AFDN: variants seen among roughly 807,000 people sequenced by gnomAD.
AFDN encodes afadin.
In AFDN, 68 loss-of-function variants were observed where a neutral mutation model predicts 216.6. The observed-to-expected ratio is 0.31, with a 90% confidence interval of 0.26 to 0.38. The LOEUF (loss-of-function observed/expected upper bound fraction) is 0.38, where lower values mean the gene tolerates loss of function less well. Ranked by LOEUF, AFDN falls within the 10% of genes least tolerant of loss-of-function variation. The probability of loss-of-function intolerance (pLI) is 1.00; values close to 1 mark genes in which losing one functional copy is unlikely to be tolerated. For missense variants in AFDN, 2,136 were observed against 2,342.0 expected, an observed-to-expected ratio of 0.91 and a Z score of 1.82; for synonymous variants, 868 against 853.7, an observed-to-expected ratio of 1.02 and a Z score of -0.29.
chr6:167,924,624 T>C (rs1792269782), intron 22 of AFDN, among the ~76,000 whole-genome samples: 1 of 152,232 alleles, frequency 6.6e-6, no homozygotes, highest in Non-Finnish European at 1.5e-5. Context: ...ACATTTCTTC[T>C]TTGAAAACAC....
chr6:167,871,294 G>T (rs541806819), intron 3 of AFDN, among the ~76,000 whole-genome samples: 1 of 152,254 alleles, frequency 6.6e-6, no homozygotes, highest in African/African-American at 2.4e-5. Context: ...TACAAAAAAA[G>T]TTAAGAATGC....
Position 167,962,884 on chromosome 6 carries a change from C to T in AFDN, c.4968+317C>T. 1 of 1,175,886 alleles carries T rather than the reference C, an allele frequency of 8.5e-7. No homozygotes were observed. Among genetic ancestry groups the T allele is most frequent in the Non-Finnish European group, 1.1e-6 (1 of 944,984 alleles). The allele number at this position is 1,175,886 out of a possible 1,614,324, so 72.8% of individuals were successfully genotyped here. On this transcript the variant is annotated intron_variant, in intron 31 of 33. Transcript: ENST00000683244. The surrounding 1 kb of genome is among the most constrained non-coding windows in gnomAD (Gnocchi z 5.2). ...GGCACTCATCTTTACTGAACATGGC[C>T]CAGCTTGTCATTGTGAAGGTGACAT...
chr6:167,882,485 C>A (rs1416474471), intron 6 of AFDN, among the ~76,000 whole-genome samples: 18 of 142,498 alleles, frequency 1.3e-4, no homozygotes, highest in Admixed American at 2.1e-4. Flanking sequence ...ACTAAAACTA[C>A]AAAAAAAAAA....
At chr6:167,953,852 A>G (rs1283149698) in intron 30 of AFDN, among the ~76,000 whole-genome samples, 1 of 152,166 alleles carries the variant, frequency 6.6e-6, no homozygotes, top group Non-Finnish European at 1.5e-5. Flanking sequence ...CCACACCCCA[A>G]AAGATGAAAA....
chr6:167,829,580 C>T (rs1408068663), intron 1 of AFDN, among the ~76,000 whole-genome samples: 1 of 151,972 alleles, frequency 6.6e-6, no homozygotes, highest in African/African-American at 2.4e-5. Flanking sequence ...AAATTCACTG[C>T]AGGAGTTGAT....
chr6:167,885,330 C>T (rs933611392), intron 6 of AFDN, among the ~76,000 whole-genome samples: 1 of 152,192 alleles, frequency 6.6e-6, no homozygotes, highest in Admixed American at 6.5e-5. Context: ...AGAAGCCTAG[C>T]TTTCTGCCTG....
At chr6:167,875,201 G>T (rs1430612943) in intron 4 of AFDN, 134 bp from the exon 5 acceptor site, 7 of 705,076 alleles carry the variant, frequency 9.9e-6, no homozygotes, top group Non-Finnish European at 1.7e-5. Flanking sequence ...GTGGTAAATA[G>T]TACGTAACAG....
intron 30 of AFDN, 129 bp downstream of exon 30, chr6:167,952,316 T>C: frequency 1.3e-6 from 2 of 1,535,574 alleles, no homozygotes; most frequent in Non-Finnish European, 1.7e-6. Context: ...TATACTGTTT[T>C]ATTGTATGTG....
At chr6:167,927,275 G>C (rs1021441638) in intron 23 of AFDN, among the ~76,000 whole-genome samples, 1 of 152,088 alleles carries the variant, frequency 6.6e-6, no homozygotes, top group Non-Finnish European at 1.5e-5. Flanking sequence ...AGGAATAAGG[G>C]AGATATATTG....
chr6:167,826,688 G>C (rs1779080948), upstream of AFDN: 1 of 447,404 alleles, frequency 2.2e-6, no homozygotes, highest in Non-Finnish European at 4.5e-6. Context: ...ACCCGGTACC[G>C]CCGGTTGGGA....
intron 4 of AFDN, among the ~76,000 whole-genome samples, chr6:167,875,044 A>C (rs1562591041): frequency 6.6e-6 from 1 of 152,214 alleles, no homozygotes; most frequent in Non-Finnish European, 1.5e-5. Flanking sequence ...AAGTTACTGA[A>C]ATGTATAATC....
rs368769724 is a variant in AFDN at position 167,962,526 on chromosome 6, C to T, written c.4927C>T (p.Arg1643Trp). 16 of 1,613,596 alleles carry T rather than the reference C, an allele frequency of 9.9e-6. No homozygotes were observed. Among genetic ancestry groups the T allele is most frequent in the African/African-American group, 2.7e-5 (2 of 74,830 alleles). The change falls in exon 31 of 34, where the codon CGG becomes TGG. Residue 1643 changes from arginine (R) to tryptophan (W), a missense_variant. Arg to Trp is a moderately radical substitution (Grantham distance 101, BLOSUM62 -3). This residue lies in a region of AFDN where 981 missense variants were observed against 966.0 expected (regional missense o/e 1.02). Coordinates refer to ENST00000683244, the MANE Select transcript of AFDN (RefSeq NM_001386888.1). The surrounding 1 kb of genome is among the most constrained non-coding windows in gnomAD (Gnocchi z 5.2). ...DRARQEEERRRQEEERTKRDA... is the reference protein window; with the variant it reads ...DRARQEEERRWQEEERTKRDA... The stretch of plus-strand genomic sequence containing the variant: ...AGCGAGGCAAGAGGAAGAGCGCCGG[C>T]GGCAGGAGGAGGAGCGAACAAAACG...
At chr6:167,914,559 G>C in intron 17 of AFDN, 85 bp from the exon 18 acceptor site, 3 of 1,043,230 alleles carry the variant, frequency 2.9e-6, no homozygotes, top group Middle Eastern at 2.1e-4. Context: ...TTTTTTAAGA[G>C]TCCAGATTGT....
chr6:167,930,111 A>G (rs2128547846), intron 23 of AFDN, among the ~76,000 whole-genome samples: 1 of 152,262 alleles, frequency 6.6e-6, no homozygotes, highest in East Asian at 1.9e-4. Context: ...CGGCTGAGGC[A>G]GGAGGATGGT....
chr6:167,886,585 A>G (rs762410002), intron 6 of AFDN, among the ~76,000 whole-genome samples: 11 of 152,228 alleles, frequency 7.2e-5, no homozygotes, highest in Non-Finnish European at 1.3e-4. Flanking sequence ...CAAGAACTAT[A>G]TAGCAAGTAT....
chr6:167,879,555 T>C (rs928546011), intron 5 of AFDN, among the ~76,000 whole-genome samples: 3 of 152,174 alleles, frequency 2.0e-5, no homozygotes, highest in African/African-American at 7.2e-5. Flanking sequence ...TATCCTTCCA[T>C]CTGGACTTCA....
chr6:167,921,745 G>A (rs560393381), intron 21 of AFDN, among the ~76,000 whole-genome samples: 6 of 151,808 alleles, frequency 4.0e-5, no homozygotes, highest in Admixed American at 1.3e-4. Flanking sequence ...TGAAACATGA[G>A]AAAGAGAAGC....
intron 6 of AFDN, among the ~76,000 whole-genome samples, chr6:167,886,532 C>T (rs1786830568): frequency 6.6e-6 from 1 of 152,032 alleles, no homozygotes; most frequent in African/African-American, 2.4e-5. Flanking sequence ...CAAGAGAGCT[C>T]TGTTACAATC....
rs1226021676 is a variant in AFDN, at chr6:167,827,065, C to G, written c.-68C>G. ...GGTGGCGAGGGGCGCCGGGCCCCCG[C>G]GGACCTGTCGTCCTCGGCCCGTCCT... On this transcript the variant is annotated 5_prime_UTR_variant, in exon 1 of 34. Coordinates refer to ENST00000683244, the MANE Select transcript of AFDN (RefSeq NM_001386888.1). 22 of 777,724 alleles carry G rather than the reference C, an allele frequency of 2.8e-5. No homozygotes were observed. Among genetic ancestry groups the G allele is most frequent in the Non-Finnish European group, 3.5e-5 (22 of 631,278 alleles). The allele number at this position is 777,724 out of a possible 1,614,324, so 48.2% of individuals were successfully genotyped here.
Sources: allele counts gnomAD v4.1 joint callset (sites outside exome capture counted in the v4.1 genomes callset), GRCh38; gene constraint gnomAD v4.1.1; regional missense constraint gnomAD v4.1.1; non-coding constraint Gnocchi (gnomAD v3.1); transcripts MANE v1.5; gene names NCBI Gene and HGNC (gene_info 2026-07-23, HGNC 2026-07-21).